NBEA: variants seen among roughly 807,000 people sequenced by gnomAD.
NBEA encodes lysosomal-trafficking regulator 2.
In NBEA, 44 loss-of-function variants were observed where a neutral mutation model predicts 343.4. That is an observed-to-expected ratio of 0.13 (90% CI 0.10 to 0.16). The LOEUF (loss-of-function observed/expected upper bound fraction) is 0.16, where lower values mean the gene tolerates loss of function less well. Among genes scored for constraint, NBEA ranks in the 10% least tolerant of loss-of-function variants. The probability of loss-of-function intolerance (pLI) is 1.00; values close to 1 mark genes in which losing one functional copy is unlikely to be tolerated. For missense variants in NBEA, 2,555 were observed against 3,631.3 expected (o/e 0.70, Z 7.62); for synonymous variants, 1,175 against 1,238.7 (o/e 0.95, Z 1.08).
chr13:35,069,833 G>A, intron 8 of NBEA, 75 bp from the exon 9 acceptor site: 1 of 1,052,984 alleles, frequency 9.5e-7, no homozygotes. Flanking sequence ...TATTGTAAAT[G>A]TTTCTCTGCT....
intron 38 of NBEA, among the ~76,000 whole-genome samples, chr13:35,386,351 A>C (rs2042243436): frequency 6.6e-6 from 1 of 152,156 alleles, no homozygotes; most frequent in Non-Finnish European, 1.5e-5. Context: ...TGAATTAAGA[A>C]ACAATTAAGT....
chr13:35,204,637 C>T (rs1046937252), intron 31 of NBEA, among the ~76,000 whole-genome samples: 14 of 152,108 alleles, frequency 9.2e-5, no homozygotes, highest in Non-Finnish European at 1.5e-5. Context: ...GTGCCAAAAG[C>T]TTTGGGGACC....
chr13:35,335,213 T>C (rs2039175916), intron 36 of NBEA, among the ~76,000 whole-genome samples: 1 of 152,196 alleles, frequency 6.6e-6, no homozygotes, highest in Admixed American at 6.5e-5. Context: ...TCTGTTTTTA[T>C]GCCAGTAACA....
chr13:35,526,476 T>C (rs1000727657), intron 41 of NBEA, among the ~76,000 whole-genome samples: 17 of 152,256 alleles, frequency 1.1e-4, no homozygotes, highest in African/African-American at 3.9e-4. Context: ...TGAAAACCCG[T>C]CTCTACTAAA....
intron 34 of NBEA, among the ~76,000 whole-genome samples, chr13:35,273,255 T>A (rs1233084040): frequency 6.6e-6 from 1 of 152,154 alleles, no homozygotes; most frequent in South Asian, 2.1e-4. Context: ...AAATGTCTAC[T>A]GGGTAAATAA....
In NBEA at chr13:35,668,795, G is replaced by A. The variant is rs532318863; in HGVS notation, c.8813+276G>A. Among the ~76,000 whole-genome samples, 12 of 152,330 alleles carry A rather than the reference G, an allele frequency of 7.9e-5. No homozygotes were observed. The South Asian group carries it at 1.9e-3, about 24-fold the overall frequency. On this transcript the variant is annotated intron_variant, in intron 58 of 58. Transcript: ENST00000379939. The stretch of plus-strand genomic sequence containing the variant: ...AAGACATAGAACTTACTCCCACCAA[G>A]TTCCCTGTTCTCAGGTTCCTGCCTA...
chr13:35,350,197 C>A (rs1455461921), intron 37 of NBEA, among the ~76,000 whole-genome samples: 1 of 152,074 alleles, frequency 6.6e-6, no homozygotes. Flanking sequence ...AGGATATAAG[C>A]AGATCAATAT....
At chr13:35,302,647 G>A (rs2036629847) in intron 35 of NBEA, among the ~76,000 whole-genome samples, 1 of 151,864 alleles carries the variant, frequency 6.6e-6, no homozygotes, top group Non-Finnish European at 1.5e-5. Flanking sequence ...AGAACCTAGG[G>A]AAAAAAATGC....
chr13:35,497,226 G>T (rs917072042), intron 41 of NBEA, among the ~76,000 whole-genome samples: 1 of 152,034 alleles, frequency 6.6e-6, no homozygotes, highest in Non-Finnish European at 1.5e-5. Context: ...AGAAATTGAG[G>T]AAGTGCTTAT....
At chr13:35,369,846 C>A (rs2041329314) in intron 38 of NBEA, among the ~76,000 whole-genome samples, 1 of 151,856 alleles carries the variant, frequency 6.6e-6, no homozygotes, top group Non-Finnish European at 1.5e-5. Flanking sequence ...TACTTTTTCT[C>A]TTGCCTGATT....
At chr13:35,142,556 A>G (rs1345713897) in intron 18 of NBEA, among the ~76,000 whole-genome samples, 179 bp downstream of exon 18, 1 of 152,136 alleles carries the variant, frequency 6.6e-6, no homozygotes, top group Non-Finnish European at 1.5e-5. Context: ...AAACATATCC[A>G]TGTACAATTT....
intron 1 of NBEA, among the ~76,000 whole-genome samples, chr13:34,978,258 A>G (rs2060245437): frequency 6.6e-6 from 1 of 152,250 alleles, no homozygotes; most frequent in Non-Finnish European, 1.5e-5. Flanking sequence ...TCTGGCACAC[A>G]GACTTCAGAT....
At chr13:35,207,844 A>C (rs1159962859) in intron 31 of NBEA, among the ~76,000 whole-genome samples, 1 of 152,168 alleles carries the variant, frequency 6.6e-6, no homozygotes, top group Non-Finnish European at 1.5e-5. Context: ...AGAAAAATAA[A>C]GCATAACTTT....
At chr13:35,111,618 T>C (rs1207514569) in intron 13 of NBEA, among the ~76,000 whole-genome samples, 2 of 152,056 alleles carry the variant, frequency 1.3e-5, no homozygotes, top group African/African-American at 2.4e-5. Flanking sequence ...GTTGTTCTTT[T>C]CTCAGCTCAA....
At chr13:35,651,187 A>G (rs1009523981) in intron 52 of NBEA, among the ~76,000 whole-genome samples, 2 of 152,242 alleles carry the variant, frequency 1.3e-5, no homozygotes, top group African/African-American at 4.8e-5. Flanking sequence ...AAAAACTATG[A>G]CTAATGAACT....
At chr13:35,596,090 G>A (rs1161374309) in intron 47 of NBEA, among the ~76,000 whole-genome samples, 5 of 151,732 alleles carry the variant, frequency 3.3e-5, no homozygotes, top group African/African-American at 7.3e-5. Flanking sequence ...GTGTGTGTGC[G>A]TGTGCGTGTG....
At chr13:35,648,016 C>T (rs575922302) in intron 51 of NBEA, among the ~76,000 whole-genome samples, 34 of 151,958 alleles carry the variant, frequency 2.2e-4, no homozygotes, top group African/African-American at 6.3e-4. Context: ...GCTGGGACTA[C>T]GGGTGTGTGC....
chr13:35,670,751 T>G (rs1593532617), intron 58 of NBEA, 150 bp from the exon 59 acceptor site: 1 of 627,172 alleles, frequency 1.6e-6, no homozygotes, highest in African/African-American at 1.8e-5. Flanking sequence ...TCAGTCCTAC[T>G]TCCATGAATA....
intron 40 of NBEA, among the ~76,000 whole-genome samples, chr13:35,458,124 C>A (rs1211971671): frequency 6.6e-6 from 1 of 152,186 alleles, no homozygotes; most frequent in African/African-American, 2.4e-5. Context: ...AATAACTCCA[C>A]GTTTAACTTT....
Sources: allele counts gnomAD v4.1 joint callset (sites outside exome capture counted in the v4.1 genomes callset), GRCh38; gene constraint gnomAD v4.1.1; transcripts MANE v1.5; gene names NCBI Gene and HGNC (gene_info 2026-07-23, HGNC 2026-07-21).